Variants in DLC1 observed in about 807,000 individuals in gnomAD.
DLC1 encodes the protein rho GTPase-activating protein 7.
Under a neutral mutation model 140.3 loss-of-function variants are expected in DLC1, and 54 were observed. The ratio of observed to expected loss-of-function variants is 0.38; its 90% CI spans 0.31 to 0.48. The LOEUF (loss-of-function observed/expected upper bound fraction) is 0.48, where lower values mean the gene tolerates loss of function less well. DLC1 is among the 20% of genes least tolerant of loss of function. The pLI is 0.96. For missense variants in DLC1, 2,536 were observed against 1,907.0 expected (o/e 1.33, Z -6.14); for synonymous variants, 986 against 728.1 (o/e 1.35, Z -5.70).
chr8:13,132,882 C>T lies in DLC1; in HGVS notation c.1349-17225G>A, dbSNP rs77853157. 8 of 1,541,824 alleles carry T rather than the reference C, an allele frequency of 5.2e-6. No homozygotes were observed. In the East Asian group the frequency reaches 1.9e-4, roughly 37 times the overall value. The stretch of plus-strand genomic sequence containing the variant: ...AAGGCGGGGTGACACTTTCTCGCGG[C>T]GGGTCCCCTCCGCAGCCCGCTCCCG... On this transcript the variant is annotated intron_variant, in intron 5 of 17. Coordinates refer to ENST00000276297, the MANE Select transcript of DLC1 (RefSeq NM_182643.3).
chr8:13,413,256 A>ACT lies in DLC1; in HGVS notation c.1024-11638_1024-11637insAG, dbSNP rs1491415150. Among the ~76,000 whole-genome samples the ACT allele has an allele frequency of 4.4e-4, 36 of 82,022 alleles. 2 individuals carry two copies. The highest frequency in any genetic ancestry group is 9.8e-4 in the Admixed American group (7 of 7,148). 53.8% of individuals were successfully genotyped at this position (82,022 alleles called of 152,430 possible). On this transcript the variant is annotated intron_variant, in intron 2 of 17. Transcript: ENST00000276297. ...TAAAACATTATGAGATTTTTTTGCG[A>ACT]TTTTTTTTTTTTTTTTTTTTTAGCT...
At chr8:13,189,330 G>A (rs575407363) in intron 5 of DLC1, among the ~76,000 whole-genome samples, 10 of 152,220 alleles carry the variant, frequency 6.6e-5, no homozygotes, top group Non-Finnish European at 1.0e-4. Flanking sequence ...AATAAATTGC[G>A]TGCTGGGTGC....
intron 5 of DLC1, among the ~76,000 whole-genome samples, chr8:13,212,679 A>G (rs909084970): frequency 1.3e-5 from 2 of 152,186 alleles, no homozygotes; most frequent in Non-Finnish European, 2.9e-5. Context: ...ACTGCACAGT[A>G]TTATTGACGG....
intron 2 of DLC1, among the ~76,000 whole-genome samples, chr8:13,496,421 A>G (rs1801504889): frequency 6.6e-6 from 1 of 152,138 alleles, no homozygotes; most frequent in Non-Finnish European, 1.5e-5. Flanking sequence ...TTTTATAAAG[A>G]TTATATGGGG....
At chr8:13,224,262 G>A (rs1016953713) in intron 5 of DLC1, among the ~76,000 whole-genome samples, 1 of 152,166 alleles carries the variant, frequency 6.6e-6, no homozygotes, top group Non-Finnish European at 1.5e-5. Context: ...TATAAAAATA[G>A]CAATGATATT....
intron 1 of DLC1, among the ~76,000 whole-genome samples, chr8:13,603,816 C>A (rs926963689): frequency 3.3e-5 from 5 of 152,084 alleles, no homozygotes; most frequent in African/African-American, 1.2e-4. Context: ...ACCTCAAAGG[C>A]AACCGATCAT....
chr8:13,511,367 A>G (rs1159666889), intron 1 of DLC1, among the ~76,000 whole-genome samples: 1 of 151,650 alleles, frequency 6.6e-6, no homozygotes, highest in Non-Finnish European at 1.5e-5. Flanking sequence ...TTTAAAGTTC[A>G]TTTATATACT....
chr8:13,134,187 A>C (rs1356448085), intron 5 of DLC1, among the ~76,000 whole-genome samples: 1 of 152,232 alleles, frequency 6.6e-6, no homozygotes, highest in Non-Finnish European at 1.5e-5. Flanking sequence ...ATCACAGCTA[A>C]ATATAGTTGC....
In DLC1 at chr8:13,374,935, G is replaced by A. The variant is rs373958391; in HGVS notation, c.1314+18618C>T. On this transcript the variant is annotated intron_variant, in intron 4 of 17. Coordinates refer to ENST00000276297, the MANE Select transcript of DLC1 (RefSeq NM_182643.3). ...CATCCCTTGTAAGTAGGATTCCCAGGTATTTTATTCTCTTTGAAGCAATTG... is the reference window on the plus strand; with the variant it reads ...CATCCCTTGTAAGTAGGATTCCCAGATATTTTATTCTCTTTGAAGCAATTG... Among the ~76,000 whole-genome samples, 45 of 152,064 alleles carry A rather than the reference G, an allele frequency of 3.0e-4. 1 individual carries two copies. The East Asian group carries it at 7.5e-3, about 25-fold the overall frequency.
chr8:13,377,281 G>C (rs1836037855), intron 4 of DLC1, among the ~76,000 whole-genome samples: 1 of 152,108 alleles, frequency 6.6e-6, no homozygotes, highest in Non-Finnish European at 1.5e-5. Flanking sequence ...TAGAAGTGTG[G>C]AATTTGGAAG....
chr8:13,387,045 A>T (rs13268767), intron 4 of DLC1, among the ~76,000 whole-genome samples: 30,423 of 151,946 alleles, frequency 0.2, 3,560 homozygotes, highest in Admixed American at 0.26. Context: ...TAAAAACTGT[A>T]TTAATTCAAA....
At chr8:13,306,718 T>C (rs912571734) in intron 4 of DLC1, among the ~76,000 whole-genome samples, 3 of 152,004 alleles carry the variant, frequency 2.0e-5, no homozygotes, top group African/African-American at 7.2e-5. Context: ...ACTGCTGAGA[T>C]CTTCACCTTT....
chr8:13,566,936 C>G (rs955045718), intron 1 of DLC1: 13 of 1,473,420 alleles, frequency 8.8e-6, no homozygotes, highest in African/African-American at 1.4e-5. Context: ...TGACGGGTTC[C>G]TGAGCCAGTC....
At chr8:13,145,912 A>G (rs1823399841) in intron 5 of DLC1, among the ~76,000 whole-genome samples, 1 of 152,154 alleles carries the variant, frequency 6.6e-6, no homozygotes, top group Admixed American at 6.6e-5. Context: ...AGAATATTCT[A>G]GTTCTTCATT....
intron 4 of DLC1, among the ~76,000 whole-genome samples, chr8:13,391,783 C>G (rs1220303361): frequency 6.6e-6 from 1 of 151,898 alleles, no homozygotes; most frequent in Non-Finnish European, 1.5e-5. Context: ...GTGGATACCA[C>G]CAGTAATTAT....
intron 2 of DLC1, among the ~76,000 whole-genome samples, chr8:13,475,837 C>G (rs544308632): frequency 1.4e-4 from 21 of 152,184 alleles, no homozygotes; most frequent in Non-Finnish European, 1.9e-4. Context: ...TGCATGCCAT[C>G]TTGGAAAACT....
At chr8:13,401,410 C>A in intron 3 of DLC1, 60 bp downstream of exon 3, 8 of 1,575,388 alleles carry the variant, frequency 5.1e-6, no homozygotes, top group Non-Finnish European at 6.9e-6. Flanking sequence ...GCAAGAGGGA[C>A]TGTATAAGGT....
chr8:13,123,043 G>A (rs1192715139), intron 5 of DLC1, among the ~76,000 whole-genome samples: 4 of 152,300 alleles, frequency 2.6e-5, no homozygotes, highest in African/African-American at 4.8e-5. Flanking sequence ...ACTTGAAGCA[G>A]GAAGCCAAGT....
chr8:13,236,739 T>G (rs1412433283), intron 5 of DLC1, among the ~76,000 whole-genome samples: 1 of 152,084 alleles, frequency 6.6e-6, no homozygotes, highest in Non-Finnish European at 1.5e-5. Context: ...GATTCCAACT[T>G]TTTATTATGA....
Sources: gnomAD v4.1 joint callset for allele counts (sites outside exome capture counted in the v4.1 genomes callset) on GRCh38, gnomAD v4.1.1 for gene constraint, MANE v1.5 for transcripts, NCBI Gene and HGNC (gene_info 2026-07-23, HGNC 2026-07-21) for gene names.